SGCZ: variants seen among roughly 807,000 people sequenced by gnomAD.
SGCZ encodes sarcoglycan zeta.
In SGCZ, 40 loss-of-function variants were observed where a neutral mutation model predicts 41.3. That is an observed-to-expected ratio of 0.97 (90% CI 0.75 to 1.26). SGCZ has a LOEUF of 1.26. Among genes scored for constraint, SGCZ ranks in the 50% most tolerant of loss-of-function variants. SGCZ has a pLI of 0.00. For synonymous variants in SGCZ, 206 were observed against 137.5 expected (o/e 1.50, Z -3.49); for missense variants, 552 against 369.8 (o/e 1.49, Z -4.04).
chr8:14,641,477 G>A (rs1002909339), intron 1 of SGCZ, among the ~76,000 whole-genome samples: 8 of 151,560 alleles, frequency 5.3e-5, no homozygotes, highest in Non-Finnish European at 1.0e-4. Context: ...ATTCTAGGAC[G>A]CTACAAGTCT....
chr8:14,624,555 A>ATTATTATTTTTTT (rs1438250019), intron 1 of SGCZ, among the ~76,000 whole-genome samples: 17 of 96,236 alleles, frequency 1.8e-4, no homozygotes, highest in African/African-American at 2.8e-4. Context: ...TATTATTATT[A>ATTATTATTTTTTT]TTTTTTTTTT....
At chr8:14,441,712 T>C (rs948714197) in intron 2 of SGCZ, among the ~76,000 whole-genome samples, 2 of 152,234 alleles carry the variant, frequency 1.3e-5, no homozygotes, top group Non-Finnish European at 2.9e-5. Flanking sequence ...TTGCAGTTAA[T>C]ACATCAATGA....
At chr8:14,286,733 T>A (rs1475337208) in intron 3 of SGCZ, among the ~76,000 whole-genome samples, 1 of 152,160 alleles carries the variant, frequency 6.6e-6, no homozygotes, top group African/African-American at 2.4e-5. Context: ...ATTCACTGTA[T>A]TCTTAGGCCA....
intron 1 of SGCZ, among the ~76,000 whole-genome samples, chr8:14,570,566 C>G (rs1804520078): frequency 6.6e-6 from 1 of 152,114 alleles, no homozygotes; most frequent in African/African-American, 2.4e-5. Context: ...CCTTCTTCAT[C>G]ATGTCAGTGA....
intron 1 of SGCZ, among the ~76,000 whole-genome samples, chr8:14,771,515 G>T (rs943822458): frequency 6.6e-6 from 1 of 151,918 alleles, no homozygotes; most frequent in East Asian, 1.9e-4. Flanking sequence ...ATATCACATT[G>T]ACTATGTCAA....
chr8:14,447,473 C>T (rs1054975152), intron 2 of SGCZ, among the ~76,000 whole-genome samples: 2 of 151,978 alleles, frequency 1.3e-5, no homozygotes, highest in Admixed American at 1.3e-4. Context: ...AAAATTAAAT[C>T]ACTAATAATG....
intron 2 of SGCZ, among the ~76,000 whole-genome samples, chr8:14,425,746 C>T (rs74701568): frequency 0.011 from 1,661 of 152,194 alleles, 19 homozygotes; most frequent in Middle Eastern, 0.024. Context: ...TTTTTAGGTA[C>T]ATTTACCATC....
At chr8:14,948,130 T>C (rs1800513646) in intron 1 of SGCZ, among the ~76,000 whole-genome samples, 1 of 152,168 alleles carries the variant, frequency 6.6e-6, no homozygotes. Context: ...TTAAGCAGAA[T>C]GACAGTATTT....
intron 2 of SGCZ, among the ~76,000 whole-genome samples, chr8:14,427,077 CGAATGAATGAGTGAATGAAT>C (rs1246547920): frequency 6.8e-5 from 10 of 146,312 alleles, no homozygotes; most frequent in African/African-American, 1.9e-4. Context: ...AGTGAATGAA[CGAATGAATGAGTGAATGAAT>C]GAATGAGTGA....
At chr8:15,025,518 C>T (rs182271076) in intron 1 of SGCZ, among the ~76,000 whole-genome samples, 148 of 152,244 alleles carry the variant, frequency 9.7e-4, no homozygotes, top group African/African-American at 3.4e-3. Context: ...GCTAAAAAAC[C>T]ACAGGTTAAG....
chr8:15,107,386 C>A (rs986917001), intron 1 of SGCZ, among the ~76,000 whole-genome samples: 2 of 152,076 alleles, frequency 1.3e-5, no homozygotes, highest in African/African-American at 4.8e-5. Context: ...GGAGGAGATC[C>A]CTCATGCATA....
intron 1 of SGCZ, among the ~76,000 whole-genome samples, chr8:14,742,385 C>T (rs7010845): frequency 0.35 from 53,856 of 151,986 alleles, 11,259 homozygotes; most frequent in African/African-American, 0.58. Flanking sequence ...AACAAAAATT[C>T]AGTCTTATTG....
intron 4 of SGCZ, 67 bp from the exon 5 acceptor site, chr8:14,164,769 G>A: frequency 6.4e-7 from 1 of 1,561,582 alleles, no homozygotes; most frequent in Non-Finnish European, 8.7e-7. Context: ...GTATTTTTTG[G>A]AAATAGACTA....
At chr8:14,707,907 G>A (rs968062651) in intron 1 of SGCZ, among the ~76,000 whole-genome samples, 1 of 152,000 alleles carries the variant, frequency 6.6e-6, no homozygotes, top group African/African-American at 2.4e-5. Context: ...TTAAAATAAT[G>A]TAAATGGAAA....
intron 2 of SGCZ, among the ~76,000 whole-genome samples, chr8:14,530,404 T>C (rs570483510): frequency 6.6e-6 from 1 of 152,128 alleles, no homozygotes; most frequent in Non-Finnish European, 1.5e-5. Context: ...AAGACTCTTA[T>C]CTGTCTGATC....
In SGCZ at chr8:14,679,429, G is replaced by T. The variant is rs146847292; in HGVS notation, c.40-124503C>A. ...GGAAGACAGTGACATTGATGATCCT[G>T]ACCCCGCATAGGCCCAAACTAATAT... is the stretch of plus-strand genomic sequence containing the variant. On this transcript the variant is annotated intron_variant, in intron 1 of 7. Coordinates refer to ENST00000382080, the MANE Select transcript of SGCZ (RefSeq NM_139167.4). Among the ~76,000 whole-genome samples, 903 of 151,696 alleles carry T rather than the reference G, an allele frequency of 6.0e-3. 10 individuals are homozygous for T. The highest frequency in any genetic ancestry group is 0.021 in the Middle Eastern group (6 of 288).
At chr8:14,508,657 G>C (rs1208891453) in intron 2 of SGCZ, among the ~76,000 whole-genome samples, 2 of 152,114 alleles carry the variant, frequency 1.3e-5, no homozygotes, top group African/African-American at 4.8e-5. Context: ...AAATCTGTTT[G>C]AGAAGCACGA....
At chr8:14,736,018 C>T (rs578021672) in intron 1 of SGCZ, among the ~76,000 whole-genome samples, 13 of 151,998 alleles carry the variant, frequency 8.6e-5, no homozygotes, top group African/African-American at 2.9e-4. Flanking sequence ...CAGGCTGAGA[C>T]CTAAAGAAAA....
intron 1 of SGCZ, among the ~76,000 whole-genome samples, chr8:14,627,129 A>C (rs997346667): frequency 6.6e-6 from 1 of 152,188 alleles, no homozygotes; most frequent in Admixed American, 6.6e-5. Flanking sequence ...CAAATTGTTA[A>C]TACATTTACT....
Sources: gnomAD v4.1 joint callset for allele counts (sites outside exome capture counted in the v4.1 genomes callset) on GRCh38, gnomAD v4.1.1 for gene constraint, MANE v1.5 for transcripts, NCBI Gene and HGNC (gene_info 2026-07-23, HGNC 2026-07-21) for gene names.